OVCH1: variants seen among roughly 807,000 people sequenced by gnomAD.
The protein encoded by OVCH1 is ovochymase-1.
OVCH1 carries 139 observed loss-of-function variants against 138.4 expected under a neutral mutation model. The observed-to-expected ratio is 1.00, with a 90% CI of 0.87 to 1.16. The LOEUF (loss-of-function observed/expected upper bound fraction) is 1.16, where lower values mean the gene tolerates loss of function less well. Among genes scored for constraint, OVCH1 ranks in the 50% most tolerant of loss-of-function variants. OVCH1 has a pLI of 0.00. For missense variants in OVCH1, 1,367 were observed against 1,357.9 expected (o/e 1.01, Z -0.11); for synonymous variants, 453 against 467.8 (o/e 0.97, Z 0.41).
chr12:29,490,512 A>T (rs1171534163), intron 5 of OVCH1, among the ~76,000 whole-genome samples: 1 of 152,238 alleles, frequency 6.6e-6, no homozygotes, highest in Non-Finnish European at 1.5e-5. Flanking sequence ...CAAAATGATT[A>T]CCATAATCAT....
At chr12:29,486,863 A>G (rs1414987217) in intron 7 of OVCH1, 2 of 454,656 alleles carry the variant, frequency 4.4e-6, no homozygotes, top group Admixed American at 2.4e-5. Context: ...GGGCTTTTAA[A>G]CCTTGTCAAC....
At chr12:29,483,129 A>T (rs1942986764) in intron 8 of OVCH1, among the ~76,000 whole-genome samples, 1 of 152,148 alleles carries the variant, frequency 6.6e-6, no homozygotes, top group Non-Finnish European at 1.5e-5. Context: ...AAAAAATATT[A>T]TGGTTCCTAT....
chr12:29,433,369 T>TGG (rs753420811), intron 27 of OVCH1, among the ~76,000 whole-genome samples: 160 of 152,298 alleles, frequency 1.1e-3, no homozygotes, highest in South Asian at 2.3e-3. Flanking sequence ...CTCTCTTGCC[T>TGG]GCTGCCACAT....
At chr12:29,477,997 A>T (rs1168415497) in intron 9 of OVCH1, among the ~76,000 whole-genome samples, 1 of 152,214 alleles carries the variant, frequency 6.6e-6, no homozygotes. Context: ...AATAAATATT[A>T]TAACCCCTAG....
intron 23 of OVCH1, 143 bp from the exon 24 acceptor site, chr12:29,444,423 C>T (rs1195743237): frequency 7.7e-6 from 7 of 905,118 alleles, no homozygotes; most frequent in Non-Finnish European, 1.1e-5. Flanking sequence ...GTTGGTTTCA[C>T]TGAAAATTTT....
At chr12:29,477,594 T>C in intron 9 of OVCH1, 116 bp from the exon 11 acceptor site, 4 of 1,612,556 alleles carry the variant, frequency 2.5e-6, no homozygotes, top group Non-Finnish European at 3.4e-6. Context: ...CACACTAAAC[T>C]ATTTAATGGT....
intron 26 of OVCH1, among the ~76,000 whole-genome samples, chr12:29,437,912 T>G (rs6487825): frequency 0.48 from 73,458 of 151,924 alleles, 18,482 homozygotes; most frequent in African/African-American, 0.61. Context: ...GGTATCTAGG[T>G]TCTATAAATT....
chr12:29,446,883 G>T, intron 22 of OVCH1, among the ~76,000 whole-genome samples: 1 of 151,648 alleles, frequency 6.6e-6, no homozygotes, highest in Admixed American at 6.6e-5. Context: ...TGAAAGCAAT[G>T]AATTAAAAAT....
downstream of OVCH1, among the ~76,000 whole-genome samples, chr12:29,426,777 A>T (rs573844997): frequency 6.6e-6 from 1 of 152,334 alleles, no homozygotes; most frequent in South Asian, 2.1e-4. Flanking sequence ...CTAAAGCAAC[A>T]TCATCTATTG....
chr12:29,487,407 A>G (rs1291582258), intron 7 of OVCH1: 1 of 263,630 alleles, frequency 3.8e-6, no homozygotes, highest in African/African-American at 2.2e-5. Context: ...AACTGAAAAA[A>G]TGAAGAAAGA....
At chr12:29,404,256 G>A in the OVCH1 span, among the ~76,000 whole-genome samples, 2 of 152,198 alleles carry the variant, frequency 1.3e-5, 1 homozygote, top group South Asian at 4.1e-4. Flanking sequence ...GGATGGCAGT[G>A]ACTGCTGCCT....
intron 6 of OVCH1, among the ~76,000 whole-genome samples, chr12:29,488,620 C>CAAAAAAAAAAAAAAAAAAAAAAAAA (rs67595567): frequency 3.6e-4 from 22 of 61,730 alleles, no homozygotes; most frequent in Admixed American, 1.1e-3. Flanking sequence ...GACTCCATCT[C>CAAAAAAAAAAAAAAAAAAAAAAAAA]AAAAAAAAAA....
chr12:29,403,720 A>G, the OVCH1 span, among the ~76,000 whole-genome samples: 11 of 152,178 alleles, frequency 7.2e-5, no homozygotes, highest in Non-Finnish European at 1.6e-4. Flanking sequence ...TTAAATGTCC[A>G]CTGCTCATCA....
intron 22 of OVCH1, among the ~76,000 whole-genome samples, chr12:29,450,194 G>A (rs532510684): frequency 1.4e-4 from 21 of 152,208 alleles, no homozygotes; most frequent in African/African-American, 3.4e-4. Context: ...AAGAGCTTCC[G>A]TACAGCAAAA....
chr12:29,442,056 C>G (rs1460760634), intron 25 of OVCH1, among the ~76,000 whole-genome samples: 3 of 151,248 alleles, frequency 2.0e-5, no homozygotes, highest in South Asian at 2.1e-4. Context: ...TTGTGGAAGT[C>G]AGTGTGGCGA....
At chr12:29,429,461 A>G (rs1052603096) in intron 27 of OVCH1, among the ~76,000 whole-genome samples, 3 of 152,234 alleles carry the variant, frequency 2.0e-5, no homozygotes, top group Admixed American at 6.5e-5. Context: ...CCCAAGGCCA[A>G]TGTAGGTCAT....
intron 15 of OVCH1, 108 bp downstream of exon 15, chr12:29,472,921 T>C: frequency 1.1e-6 from 1 of 934,304 alleles, no homozygotes; most frequent in African/African-American, 1.7e-5. Flanking sequence ...GACTCATTCT[T>C]CTTCACTGTG....
At chr12:29,428,272 T>G (rs763180352) in intron 27 of OVCH1, among the ~76,000 whole-genome samples, 17 of 152,208 alleles carry the variant, frequency 1.1e-4, no homozygotes, top group Non-Finnish European at 1.9e-4. Flanking sequence ...ATAGCCATCG[T>G]AAAATTGCTC....
At position 29,461,935 on chromosome 12, in the gene OVCH1, G is replaced by T; in HGVS notation, c.2199C>A (p.Tyr733Ter). Reference sequence around the variant, plus strand: ...TGATCCCTCCTGGATGGGCAGAATAGTAAGTGTGTTCACAGACCTCTCTTT... The same window carrying T: ...TGATCCCTCCTGGATGGGCAGAATATTAAGTGTGTTCACAGACCTCTCTTT... The change falls in exon 19 of 28, where the codon TAC (tyrosine) becomes TAA (stop). Residue 733 changes from tyrosine to a stop codon, truncating the protein, a stop_gained. Coordinates refer to ENST00000318184, the Ensembl canonical transcript of OVCH1. LOFTEE classifies it high-confidence loss of function. 6.2e-7 allele frequency: 1 copy of T among 1,613,888 alleles called. No homozygotes were observed. Among genetic ancestry groups the T allele is most frequent in the South Asian group, 1.1e-5 (1 of 91,084 alleles).
Sources: gnomAD v4.1 joint callset for allele counts (sites outside exome capture counted in the v4.1 genomes callset) on GRCh38, gnomAD v4.1.1 for gene constraint, MANE v1.5 for transcripts, NCBI Gene and HGNC (gene_info 2026-07-23, HGNC 2026-07-21) for gene names.